The following EPB41L3 variants were observed in gnomAD, a reference collection of about 807,000 sequenced individuals.
EPB41L3 encodes the protein band 4.1-like protein 3.
EPB41L3 carries 57 observed loss-of-function variants against 127.1 expected under a neutral mutation model. The observed-to-expected ratio is 0.45, with a 90% CI of 0.36 to 0.56. The LOEUF is 0.56. Ranked by LOEUF, EPB41L3 falls within the 20% of genes least tolerant of loss-of-function variation. The probability of loss-of-function intolerance (pLI) is 0.00; values close to 1 mark genes in which losing one functional copy is unlikely to be tolerated. For missense variants in EPB41L3, 1,273 were observed against 1,372.2 expected (o/e 0.93, Z 1.14); for synonymous variants, 572 against 549.5 (o/e 1.04, Z -0.57).
intron 1 of EPB41L3, among the ~76,000 whole-genome samples, chr18:5,542,209 A>G (rs539379410): frequency 1.3e-5 from 2 of 152,324 alleles, no homozygotes; most frequent in Non-Finnish European, 2.9e-5. Context: ...AGTTCACTGG[A>G]GCTTGATGTG....
intron 3 of EPB41L3, among the ~76,000 whole-genome samples, chr18:5,568,223 G>A (rs73937169): frequency 0.016 from 2,503 of 152,022 alleles, 71 homozygotes; most frequent in African/African-American, 0.058. Context: ...GAAATTACAT[G>A]CTATATAATC....
intron 3 of EPB41L3, among the ~76,000 whole-genome samples, chr18:5,575,760 C>G (rs546390372): frequency 6.6e-6 from 1 of 152,218 alleles, no homozygotes; most frequent in Admixed American, 6.5e-5. Flanking sequence ...TTGCTTGAAC[C>G]CAGGAGACGG....
chr18:5,545,721 G>A (rs1259927273), upstream of EPB41L3, among the ~76,000 whole-genome samples: 1 of 152,172 alleles, frequency 6.6e-6, no homozygotes, highest in South Asian at 2.1e-4. Context: ...GTTACCAGAG[G>A]TAATGAGGGC....
chr18:5,447,095 A>C (rs961373815), intron 3 of EPB41L3, among the ~76,000 whole-genome samples: 3 of 152,222 alleles, frequency 2.0e-5, no homozygotes, highest in Non-Finnish European at 4.4e-5. Context: ...CCTGGGAAGT[A>C]GCTTTAGAAT....
intron 3 of EPB41L3, among the ~76,000 whole-genome samples, chr18:5,597,150 G>C (rs1441618926): frequency 1.3e-5 from 2 of 152,148 alleles, no homozygotes; most frequent in African/African-American, 2.4e-5. Flanking sequence ...TCTGGGTCTA[G>C]CTTCAATCTA....
chr18:5,597,602 C>T (rs574905807), intron 3 of EPB41L3, among the ~76,000 whole-genome samples: 3 of 152,192 alleles, frequency 2.0e-5, no homozygotes, highest in South Asian at 4.2e-4. Context: ...ATAAAACCCA[C>T]CTTTGTTCTA....
Position 5,443,950 on chromosome 18 carries a change from A to G in EPB41L3, c.487-70T>C. 2.3e-6 allele frequency: 3 copies of G among 1,326,676 alleles called. No homozygotes were observed. In the South Asian group the frequency reaches 3.8e-5, roughly 17 times the overall value. The allele number at this position is 1,326,676 out of a possible 1,614,324, so 82.2% of individuals were successfully genotyped here. On this transcript the variant is annotated intron_variant, in intron 4 of 22. Transcript: ENST00000341928. The stretch of plus-strand genomic sequence containing the variant: ...AAATGACTTAATGTTGATTAGGTAC[A>G]GACTCTCCCTAAATGCAGTGCGGAG...
chr18:5,569,900 G>A (rs2094255425), intron 3 of EPB41L3, among the ~76,000 whole-genome samples: 1 of 152,176 alleles, frequency 6.6e-6, no homozygotes, highest in Non-Finnish European at 1.5e-5. Context: ...TGTAGTCAAT[G>A]CTGTTTTCTT....
chr18:5,398,366 C>A, intron 16 of EPB41L3: 2 of 548,750 alleles, frequency 3.6e-6, no homozygotes, highest in South Asian at 2.7e-5. Context: ...AGGGTGGCGC[C>A]GATTTAAGCA....
At chr18:5,478,119 G>T in intron 3 of EPB41L3, 122 bp downstream of exon 3, 1 of 746,822 alleles carries the variant, frequency 1.3e-6, no homozygotes, top group Non-Finnish European at 2.1e-6. Flanking sequence ...TTTATATTTA[G>T]AGACTGGGTT....
chr18:5,454,395 T>C (rs2082733577), intron 3 of EPB41L3, among the ~76,000 whole-genome samples: 1 of 152,038 alleles, frequency 6.6e-6, no homozygotes, highest in Non-Finnish European at 1.5e-5. Context: ...CTCCTGCCTT[T>C]TTGGGCTGTC....
At chr18:5,483,322 C>A (rs2088978814) in intron 2 of EPB41L3, among the ~76,000 whole-genome samples, 1 of 151,664 alleles carries the variant, frequency 6.6e-6, no homozygotes, top group Non-Finnish European at 1.5e-5. Context: ...CTCATAGTAA[C>A]CACAACACAA....
rs11339935 is a variant in EPB41L3 at position 5,520,557 on chromosome 18, T to TA, written c.-12+23355dup. 8.2e-3 allele frequency among the ~76,000 whole-genome samples: 863 copies of TA among 105,192 alleles called. 9 individuals are homozygous for TA. Among genetic ancestry groups the TA allele is most frequent in the African/African-American group, 0.021 (655 of 30,520 alleles). 69.0% of individuals were successfully genotyped at this position (105,192 alleles called of 152,430 possible). ...GCTCGCCTCCCCTACTTTCCCAAAATAAAAAAAAAAAAAAAAAAGGATGAG... is the reference window on the plus strand; with the variant it reads ...GCTCGCCTCCCCTACTTTCCCAAAATAAAAAAAAAAAAAAAAAAAGGATGAG... On this transcript the variant is annotated intron_variant, in intron 1 of 22. Transcript: ENST00000341928.
intron 9 of EPB41L3, among the ~76,000 whole-genome samples, chr18:5,425,089 A>T (rs2077983448): frequency 6.6e-6 from 1 of 152,190 alleles, no homozygotes; most frequent in Non-Finnish European, 1.5e-5. Context: ...CACATTCTGA[A>T]GAAGGTACAC....
chr18:5,533,189 G>A (rs1719976), intron 1 of EPB41L3, among the ~76,000 whole-genome samples: 38,310 of 152,020 alleles, frequency 0.25, 5,623 homozygotes, highest in African/African-American at 0.4. Context: ...TACACAATTT[G>A]TCGGGCTTGC....
At chr18:5,490,685 G>A (rs898404972) in intron 1 of EPB41L3, among the ~76,000 whole-genome samples, 5 of 152,012 alleles carry the variant, frequency 3.3e-5, no homozygotes, top group South Asian at 2.1e-4. Context: ...TTAGATTTTC[G>A]AGCAAATCTT....
At chr18:5,503,046 A>G (rs964922102) in intron 1 of EPB41L3, among the ~76,000 whole-genome samples, 2 of 152,216 alleles carry the variant, frequency 1.3e-5, no homozygotes, top group African/African-American at 4.8e-5. Context: ...TGGTTGACTC[A>G]CTTTTTTAGA....
At chr18:5,572,331 C>T (rs1433121288) in intron 3 of EPB41L3, among the ~76,000 whole-genome samples, 1 of 152,194 alleles carries the variant, frequency 6.6e-6, no homozygotes, top group Non-Finnish European at 1.5e-5. Flanking sequence ...TAAAAATATA[C>T]ATTTACCCTA....
intron 1 of EPB41L3, among the ~76,000 whole-genome samples, chr18:5,523,418 T>C (rs2093079120): frequency 6.6e-6 from 1 of 152,254 alleles, no homozygotes; most frequent in Non-Finnish European, 1.5e-5. Context: ...ATAAATCTGA[T>C]ATAAAAATTT....
Sources: gnomAD v4.1 joint callset for allele counts (sites outside exome capture counted in the v4.1 genomes callset) on GRCh38, gnomAD v4.1.1 for gene constraint, MANE v1.5 for transcripts, NCBI Gene and HGNC (gene_info 2026-07-23, HGNC 2026-07-21) for gene names.